The following METTL16 variants were observed in gnomAD, a reference collection of about 807,000 sequenced individuals.
METTL16 encodes RNA N(6)-adenosine-methyltransferase METTL16.
In METTL16, 19 loss-of-function variants were observed where a neutral mutation model predicts 57.9. The ratio of observed to expected loss-of-function variants is 0.33; its 90% CI spans 0.23 to 0.48. The LOEUF is 0.48. METTL16 is among the 20% of genes least tolerant of loss of function. The pLI is 0.99. For synonymous variants in METTL16, 246 were observed against 255.6 expected (o/e 0.96, Z 0.36); for missense variants, 434 against 691.5 (o/e 0.63, Z 4.18).
rs1031346869 is a variant in METTL16, at chr17:2,491,933, T to C, written c.128+10271A>G. Among the ~76,000 whole-genome samples the C allele has an allele frequency of 2.6e-4, 36 of 136,998 alleles. 1 individual carries two copies. The highest frequency in any genetic ancestry group is 4.1e-4 in the African/African-American group (15 of 36,950). The allele number at this position is 136,998 out of a possible 152,430, so 89.9% of individuals were successfully genotyped here. ...AAATAAAAATAAAAACAAATAGGGC[T>C]GGGCGCGGTGGCTCACGCCTGTAAC... On this transcript the variant is annotated intron_variant, in intron 2 of 9. Coordinates refer to ENST00000263092, the MANE Select transcript of METTL16 (RefSeq NM_024086.4).
intron 1 of METTL16, among the ~76,000 whole-genome samples, chr17:2,509,849 G>C (rs1273364069): frequency 2.0e-5 from 3 of 151,450 alleles, no homozygotes; most frequent in Non-Finnish European, 4.4e-5. Flanking sequence ...GGAGGCCGAA[G>C]TTGCAGTGAG....
At chr17:2,440,690 G>A (rs986625674) in intron 7 of METTL16, among the ~76,000 whole-genome samples, 2 of 152,116 alleles carry the variant, frequency 1.3e-5, no homozygotes, top group Non-Finnish European at 2.9e-5. Flanking sequence ...AAATCATTAG[G>A]TGGGGTGCAA....
chr17:2,473,053 TG>T (rs1262059288), intron 4 of METTL16, among the ~76,000 whole-genome samples: 2 of 152,036 alleles, frequency 1.3e-5, no homozygotes, highest in African/African-American at 4.8e-5. Context: ...CCCACTCTGT[TG>T]GGGGATGCTG....
At chr17:2,486,549 G>C (rs575735782) in intron 2 of METTL16, among the ~76,000 whole-genome samples, 2 of 152,098 alleles carry the variant, frequency 1.3e-5, no homozygotes, top group Non-Finnish European at 2.9e-5. Flanking sequence ...GGGATTACAG[G>C]TGTGAGCCAC....
At chr17:2,447,748 G>T (rs2067018284) in intron 6 of METTL16, among the ~76,000 whole-genome samples, 2 of 139,302 alleles carry the variant, frequency 1.4e-5, no homozygotes, top group African/African-American at 5.5e-5. Context: ...AGTCCGGGAG[G>T]GAGGTGGGGG....
chr17:2,437,978 C>T, intron 8 of METTL16, 131 bp downstream of exon 8: 1 of 695,808 alleles, frequency 1.4e-6, no homozygotes, highest in Non-Finnish European at 2.6e-6. Flanking sequence ...GTTACAACCC[C>T]TTTCCATTCT....
rs773887320 is a variant in METTL16, at chr17:2,464,158, A to G, written c.728+50T>C. ...AAAAAAGAGAACTACATAGCGGGTA[A>G]ATATTCCTGTGTTGTAAAGATGGAC... On this transcript the variant is annotated intron_variant, in intron 6 of 9. Transcript: ENST00000263092. 73 of 1,568,882 alleles carry G rather than the reference A, an allele frequency of 4.7e-5. No individual in the cohort carries two copies. The South Asian group carries it at 7.9e-4, about 17-fold the overall frequency.
chr17:2,424,451 T>C (rs1436412537), intron 8 of METTL16: 1 of 152,028 alleles, frequency 6.6e-6, no homozygotes, highest in Non-Finnish European at 1.5e-5. Flanking sequence ...TCTTGCTATA[T>C]TGATTGCCCA....
intron 1 of METTL16, among the ~76,000 whole-genome samples, chr17:2,510,234 G>C (rs899330134): frequency 2.6e-5 from 4 of 152,330 alleles, no homozygotes; most frequent in Admixed American, 2.6e-4. Context: ...TAGAATGTGT[G>C]CTGATCAAGT....
At chr17:2,445,128 G>A (rs2066985213) in intron 6 of METTL16, among the ~76,000 whole-genome samples, 2 of 152,122 alleles carry the variant, frequency 1.3e-5, no homozygotes, top group African/African-American at 4.8e-5. Flanking sequence ...GGGATTACAG[G>A]TGTAAGCCGC....
At chr17:2,489,726 G>C (rs539118818) in intron 2 of METTL16, among the ~76,000 whole-genome samples, 1 of 1,498 alleles carries the variant, frequency 6.7e-4, no homozygotes, top group African/African-American at 4.7e-3. Flanking sequence ...ATGACAGAGC[G>C]AGACTCAAAA....
intron 2 of METTL16, among the ~76,000 whole-genome samples, chr17:2,482,882 GCC>G (rs1466317362): frequency 1.3e-5 from 2 of 152,148 alleles, no homozygotes; most frequent in Non-Finnish European, 2.9e-5. Flanking sequence ...CTGCACTCCA[GCC>G]TGGGTGACAG....
chr17:2,483,106 A>G (rs991108939), intron 2 of METTL16, among the ~76,000 whole-genome samples: 1 of 152,116 alleles, frequency 6.6e-6, no homozygotes, highest in African/African-American at 2.4e-5. Context: ...ATACTCTCAG[A>G]TTAGATTACA....
chr17:2,419,771 T>TA lies in METTL16; in HGVS notation c.*198_*199insT. 1.4e-6 allele frequency: 1 copy of TA among 726,000 alleles called. No individual in the cohort carries two copies. Among genetic ancestry groups the TA allele is most frequent in the Non-Finnish European group, 2.4e-6 (1 of 409,220 alleles). 45.0% of individuals were successfully genotyped at this position (726,000 alleles called of 1,614,324 possible). The stretch of plus-strand genomic sequence containing the variant: ...GATGACCACAATTCCTCCTTGTAAA[T>TA]GACCACACTACGACTCCCTGTAACT... On this transcript the variant is annotated 3_prime_UTR_variant, in exon 10 of 10. Transcript: ENST00000263092.
chr17:2,420,118 T>A lies in METTL16; in HGVS notation c.1541A>T (p.Tyr514Phe). The A allele has an allele frequency of 6.2e-7, 1 of 1,614,220 alleles. No homozygotes were observed. The change falls in exon 10 of 10, where the codon TAC becomes TTC. Residue 514 changes from tyrosine (Y) to phenylalanine (F), a missense_variant. Transcript: ENST00000263092. The surrounding 1 kb of genome is among the most constrained non-coding windows in gnomAD (Gnocchi z 5.4). ...GKRLPGVAGQYLFKCLINVKK... is the reference protein window; with the variant it reads ...GKRLPGVAGQFLFKCLINVKK... ...AACGTTTATCAAACACTTAAACAGG[T>A]ACTGTCCGGCCACTCCTGGGAGACG...
At position 2,436,871 on chromosome 17, in the gene METTL16, C is replaced by CTTT. The variant is rs543406197; in HGVS notation, c.888+1235_888+1237dup. 187 of 129,772 alleles carry CTTT rather than the reference C, an allele frequency of 1.4e-3. 3 individuals are homozygous for CTTT. The highest frequency in any genetic ancestry group is 5.5e-3 in the African/African-American group (175 of 32,014). The allele number at this position is 129,772 out of a possible 1,614,324, so 8.0% of individuals were successfully genotyped here. On this transcript the variant is annotated intron_variant, in intron 8 of 9. Coordinates refer to ENST00000263092, the MANE Select transcript of METTL16 (RefSeq NM_024086.4). The stretch of plus-strand genomic sequence containing the variant: ...GACAAAGAGACATCTGTGAACAAAC[C>CTTT]TTTTTTTTTTTTTTTTTTGAGACAG...
rs374772218 is a variant in METTL16 at position 2,420,281 on chromosome 17, G to T, written c.1378C>A (p.Pro460Thr). 2 of 1,613,560 alleles carry T rather than the reference G, an allele frequency of 1.2e-6. No individual in the cohort carries two copies. The change falls in exon 10 of 10, where the codon CCG becomes ACG. Residue 460 changes from proline to threonine, a missense_variant. By Grantham distance (38) the Pro-to-Thr change is conservative. Around this residue, in one of 5 missense-constraint regions of METTL16, gnomAD observed 168 missense variants for 149.6 expected, o/e 1.12. Transcript: ENST00000263092. The surrounding 1 kb of genome is among the most constrained non-coding windows in gnomAD (Gnocchi z 5.4). ...CTCCTTTCATCCTCCGTGGGTTCCG[G>T]GTTTTCCTCCTGGGACAGGGACTCC... ...SQESLSQEEN[P>T]EPTEDERSEE... is the part of the protein sequence containing the mutation.
intron 6 of METTL16, among the ~76,000 whole-genome samples, chr17:2,454,973 T>G (rs1327052176): frequency 2.6e-5 from 4 of 152,028 alleles, no homozygotes; most frequent in Admixed American, 2.6e-4. Flanking sequence ...CAGGCTGGAG[T>G]GCAGTGGCGC....
At chr17:2,475,538 G>C (rs138437636) in intron 3 of METTL16, among the ~76,000 whole-genome samples, 1 of 152,042 alleles carries the variant, frequency 6.6e-6, no homozygotes, top group East Asian at 1.9e-4. Context: ...TTACCTCCAG[G>C]GTAATAAATA....
Sources: allele counts gnomAD v4.1 joint callset (sites outside exome capture counted in the v4.1 genomes callset), GRCh38; gene constraint gnomAD v4.1.1; regional missense constraint gnomAD v4.1.1; non-coding constraint Gnocchi (gnomAD v3.1); transcripts MANE v1.5; gene names NCBI Gene and HGNC (gene_info 2026-07-23, HGNC 2026-07-21).